The following CHD1L variants were observed in gnomAD, a reference collection of about 807,000 sequenced individuals.
The protein encoded by CHD1L is ATP-dependent chromatin remodeler CHD1L.
Under a neutral mutation model 115.9 loss-of-function variants are expected in CHD1L, and 118 were observed. The ratio of observed to expected loss-of-function variants is 1.02; its 90% CI spans 0.88 to 1.19. The LOEUF (loss-of-function observed/expected upper bound fraction) is 1.19. Ranked by LOEUF, CHD1L falls within the 50% of genes most tolerant of loss-of-function variation. The probability of loss-of-function intolerance (pLI) is 0.00; values close to 1 mark genes in which losing one functional copy is unlikely to be tolerated. For synonymous variants in CHD1L, 411 were observed against 387.1 expected (o/e 1.06, Z -0.72); for missense variants, 1,179 against 1,065.3 (o/e 1.11, Z -1.49).
At chr1:147,206,878 A>G in the CHD1L span, among the ~76,000 whole-genome samples, 28 of 152,160 alleles carry the variant, frequency 1.8e-4, no homozygotes, top group Middle Eastern at 3.4e-3. Flanking sequence ...GCACATATAT[A>G]CATATATAAC....
the CHD1L span, chr1:147,175,234 G>A: frequency 6.6e-6 from 1 of 152,100 alleles, no homozygotes; most frequent in Non-Finnish European, 1.5e-5. Flanking sequence ...CCACTCCTGG[G>A]TATTTATCCG....
At chr1:147,232,269 A>G in the CHD1L span, among the ~76,000 whole-genome samples, 3 of 152,208 alleles carry the variant, frequency 2.0e-5, no homozygotes, top group Non-Finnish European at 2.9e-5. Flanking sequence ...TGACTAGTCC[A>G]AGAGTCATTT....
intron 21 of CHD1L, 67 bp from the exon 22 acceptor site, chr1:147,294,342 A>C: frequency 1.9e-6 from 2 of 1,046,042 alleles, no homozygotes; most frequent in African/African-American, 1.6e-5. Flanking sequence ...ATTTTCTCCC[A>C]TGTGTATTTT....
In CHD1L at chr1:147,255,002, T is replaced by G. The variant is rs1344709514; in HGVS notation, c.347+26T>G. The G allele has an allele frequency of 1.1e-5, 17 of 1,496,022 alleles. 1 individual carries two copies. Among genetic ancestry groups the G allele is most frequent in the Middle Eastern group, 1.8e-4 (1 of 5,644 alleles). The allele number at this position is 1,496,022 out of a possible 1,614,324, so 92.7% of individuals were successfully genotyped here. A position where few individuals can be genotyped will look rare whatever the true frequency, so the allele number is the denominator to read the frequency against. On this transcript the variant is annotated intron_variant, in intron 3 of 22. Coordinates refer to ENST00000369258, the MANE Select transcript of CHD1L (RefSeq NM_004284.6). ...GTACAGAGTAGATGTAGCTGAAATT[T>G]TATTGTTTATCTTGATTAAGATTTT...
rs782615250 is a variant in CHD1L, at chr1:147,280,151, G to A, written c.1665G>A (p.Leu555=). 6.8e-6 allele frequency: 11 copies of A among 1,611,894 alleles called. No individual in the cohort carries two copies. Among genetic ancestry groups the A allele is most frequent in the Non-Finnish European group, 8.5e-6 (10 of 1,179,070 alleles). Residue 555 remains leucine (L), a synonymous_variant, in exon 15 of 23, where the codon TTG becomes TTA. Transcript: ENST00000369258. The part of the protein sequence containing the change: ...TKDGQWVSDA[L]PAAEGGSRDQ... ...ATGGCCAGTGGGTCTCTGATGCCTT[G>A]CCTGCAGCAGAAGGAGGGAGCAGAG... is the stretch of plus-strand genomic sequence containing the variant.
chr1:147,285,598 T>A, intron 17 of CHD1L, 111 bp downstream of exon 17: 3 of 1,214,004 alleles, frequency 2.5e-6, no homozygotes, highest in Non-Finnish European at 3.4e-6. Flanking sequence ...TTTAAGTTGG[T>A]TCCTATTGGT....
intron 12 of CHD1L, among the ~76,000 whole-genome samples, chr1:147,273,151 C>T (rs1277858427): frequency 6.6e-6 from 1 of 152,132 alleles, no homozygotes; most frequent in African/African-American, 2.4e-5. Context: ...TGCAGTGAGC[C>T]AAGATTGCAC....
In CHD1L at chr1:147,286,030, A is replaced by G. The variant is rs140789692; in HGVS notation, c.2019-268A>G. ...AAGATTTTAAGATTTTATTGTAGCT[A>G]TCTGACAAAGAATAATTTACTTCAA... On this transcript the variant is annotated intron_variant, in intron 17 of 22. Coordinates refer to ENST00000369258, the MANE Select transcript of CHD1L (RefSeq NM_004284.6). Among the ~76,000 whole-genome samples, 971 of 152,280 alleles carry G rather than the reference A, an allele frequency of 6.4e-3. 43 individuals are homozygous for G. Among genetic ancestry groups the G allele is most frequent in the Admixed American group, 0.055 (847 of 15,294 alleles).
intron 15 of CHD1L, among the ~76,000 whole-genome samples, chr1:147,280,658 C>A (rs963026529): frequency 6.6e-5 from 10 of 152,122 alleles, no homozygotes; most frequent in Admixed American, 3.3e-4. Context: ...CATTTAATTT[C>A]TGTAATCCAT....
At chr1:147,185,476 T>G in the CHD1L span, among the ~76,000 whole-genome samples, 2 of 152,260 alleles carry the variant, frequency 1.3e-5, no homozygotes, top group South Asian at 4.1e-4. Context: ...GCAAAAGACC[T>G]GAAAAGTAAT....
chr1:147,212,651 C>T, the CHD1L span: 3 of 931,488 alleles, frequency 3.2e-6, no homozygotes, highest in Admixed American at 4.8e-5. Context: ...CAAGTGTTCT[C>T]TTTACTCAGC....
chr1:147,283,290 A>G (rs943840911), intron 15 of CHD1L, among the ~76,000 whole-genome samples: 9 of 152,062 alleles, frequency 5.9e-5, no homozygotes, highest in African/African-American at 1.7e-4. Flanking sequence ...GTGTGAAGCA[A>G]TTGATCTCTT....
chr1:147,233,576 C>A, the CHD1L span, among the ~76,000 whole-genome samples: 1 of 152,142 alleles, frequency 6.6e-6, no homozygotes, highest in African/African-American at 2.4e-5. Context: ...TGCCCGGCCA[C>A]CACCCCGTCT....
rs587619209 is a variant in CHD1L at position 147,272,104 on chromosome 1, A to C, written c.1160-67A>C. On this transcript the variant is annotated intron_variant, in intron 11 of 22. Coordinates refer to ENST00000369258, the MANE Select transcript of CHD1L (RefSeq NM_004284.6). Reference sequence around the variant, plus strand: ...AAAATTGGCCTTTGGTTTTGGGCTTAATTTTTTATTCCCCAAAGACTACTT... The same window carrying C: ...AAAATTGGCCTTTGGTTTTGGGCTTCATTTTTTATTCCCCAAAGACTACTT... The C allele has an allele frequency of 6.3e-5, 88 of 1,398,460 alleles. No individual in the cohort carries two copies. The African/African-American group carries it at 1.1e-3, about 17-fold the overall frequency. The allele number at this position is 1,398,460 out of a possible 1,614,324, so 86.6% of individuals were successfully genotyped here. A position where few individuals can be genotyped will look rare whatever the true frequency, so the allele number is the denominator to read the frequency against.
the CHD1L span, among the ~76,000 whole-genome samples, chr1:147,206,557 T>A: frequency 1.3e-5 from 2 of 152,284 alleles, no homozygotes; most frequent in Middle Eastern, 3.4e-3. Context: ...ATGTGGCACA[T>A]ATACACCATG....
At chr1:147,282,514 T>TTAA (rs1681318194) in intron 15 of CHD1L, among the ~76,000 whole-genome samples, 1 of 152,204 alleles carries the variant, frequency 6.6e-6, no homozygotes, top group African/African-American at 2.4e-5. Context: ...CTCTTCTTAA[T>TTAA]CTGTCATTAT....
chr1:147,228,982 T>A, the CHD1L span, among the ~76,000 whole-genome samples: 1 of 152,186 alleles, frequency 6.6e-6, no homozygotes, highest in Non-Finnish European at 1.5e-5. Context: ...TGATGGTAGT[T>A]TCTTTTGCTG....
At chr1:147,213,311 G>A in the CHD1L span, 1 of 1,603,908 alleles carries the variant, frequency 6.2e-7, no homozygotes, top group Admixed American at 1.7e-5. Flanking sequence ...TGCTCACCAG[G>A]GAAGCTTTCC....
the CHD1L span, among the ~76,000 whole-genome samples, chr1:147,217,251 A>G: frequency 6.6e-6 from 1 of 152,142 alleles, no homozygotes; most frequent in African/African-American, 2.4e-5. Context: ...AAAAAAAAGA[A>G]AAAGAAAAAG....
Sources: gnomAD v4.1 joint callset for allele counts (sites outside exome capture counted in the v4.1 genomes callset) on GRCh38, gnomAD v4.1.1 for gene constraint, MANE v1.5 for transcripts, NCBI Gene and HGNC (gene_info 2026-07-23, HGNC 2026-07-21) for gene names.